Variants in AP3B2 observed in about 807,000 individuals in gnomAD.
The protein encoded by AP3B2 is AP-3 complex subunit beta-2.
AP3B2 carries 50 observed loss-of-function variants against 126.9 expected under a neutral mutation model. The ratio of observed to expected loss-of-function variants is 0.39; its 90% CI spans 0.31 to 0.50. The LOEUF (loss-of-function observed/expected upper bound fraction) is 0.50. Ranked by LOEUF, AP3B2 falls within the 20% of genes least tolerant of loss-of-function variation. The pLI is 0.79. For missense variants in AP3B2, 1,177 were observed against 1,426.4 expected (o/e 0.83, Z 2.82); for synonymous variants, 541 against 565.0 (o/e 0.96, Z 0.60).
intron 1 of AP3B2, chr15:82,699,762 T>C (rs9652567): frequency 1.1e-4 from 43 of 398,838 alleles, no homozygotes; most frequent in Non-Finnish European, 1.5e-4. Flanking sequence ...GGTACCGGAG[T>C]GGGGGCCCAC....
chr15:82,673,603 G>A (rs546827391), intron 14 of AP3B2, among the ~76,000 whole-genome samples: 2 of 152,100 alleles, frequency 1.3e-5, no homozygotes, highest in African/African-American at 4.8e-5. Flanking sequence ...AAGCAGAAAA[G>A]TTTAAAATAT....
rs774248055 is a variant in AP3B2, at chr15:82,662,866, G to A, written c.2661C>T (p.Gly887=). ...GRQELLHRVA[G]EGLAVDYTFS... ...AGGTGTAGTCCACAGCCAGCCCCTC[G>A]CCAGCTACCCGGTGCAGCAGCTCCT... Residue 887 remains glycine (G), a synonymous_variant, in exon 23 of 27, where the codon GGC becomes GGT. Transcript: ENST00000535359. 29 of 1,613,570 alleles carry A rather than the reference G, an allele frequency of 1.8e-5. No individual in the cohort carries two copies. The highest frequency in any genetic ancestry group is 8.0e-5 in the African/African-American group (6 of 75,034).
At position 82,680,820 on chromosome 15, in the gene AP3B2, GGGCTGGGC is replaced by G. The variant is rs765928445; in HGVS notation, c.771+9_771+16del. ...GGACACACTTCGGCCCGCTCTGCCT[GGGCTGGGC>G]CCACTTACGTTCTGGGTGGGGCTCA... On this transcript the variant is annotated intron_variant, in intron 7 of 26. Transcript: ENST00000535359. The surrounding 1 kb of genome is among the most constrained non-coding windows in gnomAD (Gnocchi z 6.1). The G allele has an allele frequency of 1.0e-3, 1,637 of 1,613,190 alleles. No individual in the cohort carries two copies. The highest frequency in any genetic ancestry group is 1.3e-3 in the Non-Finnish European group (1,580 of 1,179,574).
chr15:82,704,909 G>A (rs2048774263), intron 1 of AP3B2, among the ~76,000 whole-genome samples: 1 of 152,128 alleles, frequency 6.6e-6, no homozygotes, highest in African/African-American at 2.4e-5. Flanking sequence ...TGATGGCCAG[G>A]CTTCTAAACC....
chr15:82,709,535 G>T (rs1478007611), intron 1 of AP3B2, 59 bp downstream of exon 1: 10 of 1,282,004 alleles, frequency 7.8e-6, no homozygotes, highest in Non-Finnish European at 1.0e-5. Context: ...TGGTGCCCGC[G>T]CGCCTCGCCC....
intron 3 of AP3B2, 135 bp downstream of exon 3, chr15:82,689,017 AGACAGT>A: frequency 9.3e-7 from 1 of 1,074,370 alleles, no homozygotes; most frequent in Non-Finnish European, 1.4e-6. Flanking sequence ...AGGGACATGG[AGACAGT>A]GTCTTCTCCT....
Position 82,661,933 on chromosome 15 carries a change from T to C in AP3B2, c.2919-11A>G, listed in dbSNP as rs1318105689. 2.5e-6 allele frequency: 4 copies of C among 1,609,468 alleles called. No homozygotes were observed. The highest frequency in any genetic ancestry group is 1.3e-5 in the African/African-American group (1 of 74,652). ...TGTCGGGTCTGGGTGCTGGGAGGGG[T>C]GGGAGGAAACGGAGAAGAATTAAGG... On this transcript the variant is annotated splice_polypyrimidine_tract_variant and intron_variant, in intron 24 of 26. Transcript: ENST00000535359.
chr15:82,681,145 T>G lies in AP3B2; in HGVS notation c.555A>C (p.Glu185Asp). 6.2e-7 allele frequency: 1 copy of G among 1,613,120 alleles called. No individual in the cohort carries two copies. Among genetic ancestry groups the G allele is most frequent in the Non-Finnish European group, 8.5e-7 (1 of 1,179,522 alleles). The change falls in exon 6 of 27, where the codon GAA (glutamate) becomes GAC (aspartate). Residue 185 changes from glutamate (E) to aspartate (D), a missense_variant. Physicochemically the swap from Glu to Asp is conservative, Grantham distance 45 (BLOSUM62 2). Transcript: ENST00000535359. The surrounding 1 kb of genome is among the most constrained non-coding windows in gnomAD (Gnocchi z 4.0). ...TGTCAGCCAGAAGCTTCTCAATGAC[T>G]TCTATCAGCTGATCCTTCTGGTCAG... ...LDSDQKDQLIEVIEKLLADKT... is the reference protein window; with the variant it reads ...LDSDQKDQLIDVIEKLLADKT...
intron 1 of AP3B2, chr15:82,689,702 G>T: frequency 1.9e-6 from 1 of 518,596 alleles, no homozygotes; most frequent in South Asian, 2.4e-5. Context: ...TAGTACCTCA[G>T]AATGTAACCT....
chr15:82,708,313 T>A (rs1176549186), intron 1 of AP3B2, among the ~76,000 whole-genome samples: 2 of 152,076 alleles, frequency 1.3e-5, no homozygotes, highest in Admixed American at 6.6e-5. Context: ...TGACTCTTTT[T>A]TCGGACTCAG....
At chr15:82,705,729 A>G (rs1454098840) in intron 1 of AP3B2, among the ~76,000 whole-genome samples, 1 of 152,162 alleles carries the variant, frequency 6.6e-6, no homozygotes, top group Non-Finnish European at 1.5e-5. Context: ...CCTGCTGATC[A>G]TGTCCGGCTA....
At chr15:82,704,842 C>G (rs1282939343) in intron 1 of AP3B2, among the ~76,000 whole-genome samples, 3 of 152,250 alleles carry the variant, frequency 2.0e-5, no homozygotes. Flanking sequence ...CTACCAACTC[C>G]ACATTACCTT....
chr15:82,689,452 G>T lies in AP3B2; in HGVS notation c.115C>A (p.His39Asn). The part of the protein sequence containing the change: ...GGIFSSDYKR[H>N]DDLKEMLDTN... ...TCCAGCATCTCCTTCAGGTCATCAT[G>T]CCTGGTGGGAGGTACAAGAAGTCAG... The change falls in exon 2 of 27, where the codon CAT becomes AAT. Residue 39 changes from histidine to asparagine, a missense_variant and splice_region_variant. Coordinates refer to ENST00000535359, the MANE Select transcript of AP3B2 (RefSeq NM_001278512.2). The T allele has an allele frequency of 6.2e-7, 1 of 1,613,326 alleles. No individual in the cohort carries two copies. Among genetic ancestry groups the T allele is most frequent in the Non-Finnish European group, 8.5e-7 (1 of 1,179,674 alleles).
Position 82,680,653 on chromosome 15 carries a change from A to AG in AP3B2, c.873dup (p.Ser292LeufsTer62). 6.3e-7 allele frequency: 1 copy of AG among 1,584,702 alleles called. No homozygotes were observed. The highest frequency in any genetic ancestry group is 1.7e-5 in the Admixed American group (1 of 57,672). ...GGGTCCATGACATAGGGCTTTCGGGAGGGGGCGGCCGCGGCGGCCGTCTCC... is the reference window on the plus strand; with the variant it reads ...GGGTCCATGACATAGGGCTTTCGGGAGGGGGGCGGCCGCGGCGGCCGTCTCC... On this transcript the variant is annotated frameshift_variant, in exon 8 of 27. Coordinates refer to ENST00000535359, the MANE Select transcript of AP3B2 (RefSeq NM_001278512.2). LOFTEE classifies it high-confidence loss of function. The surrounding 1 kb of genome is among the most constrained non-coding windows in gnomAD (Gnocchi z 6.1).
At chr15:82,694,457 A>G (rs1035557885) in intron 1 of AP3B2, among the ~76,000 whole-genome samples, 9 of 152,032 alleles carry the variant, frequency 5.9e-5, no homozygotes, top group African/African-American at 2.2e-4. Context: ...AGACTGAGGC[A>G]GAAGGATTGC....
Position 82,664,342 on chromosome 15 carries a change from G to A in AP3B2, c.2261+25C>T, listed in dbSNP as rs1240677846. ...CAGGAAAGCCCCCTGAACCCCACCA[G>A]CCATCTGGCTAGCTCCCTTCTCACC... On this transcript the variant is annotated intron_variant, in intron 19 of 26. Transcript: ENST00000535359. This position sits in a 1 kb window ranked among gnomAD's most constrained non-coding sequence, Gnocchi z 4.5. 13 of 1,613,324 alleles carry A rather than the reference G, an allele frequency of 8.1e-6. No individual in the cohort carries two copies. Among genetic ancestry groups the A allele is most frequent in the African/African-American group, 1.3e-5 (1 of 74,890 alleles).
intron 4 of AP3B2, 32 bp downstream of exon 4, chr15:82,688,704 C>T (rs1184600171): frequency 1.3e-6 from 2 of 1,578,396 alleles, no homozygotes; most frequent in Non-Finnish European, 1.7e-6. Flanking sequence ...CAACGAGGCC[C>T]AGGCCCTGGG....
intron 1 of AP3B2, among the ~76,000 whole-genome samples, chr15:82,696,800 C>CTGG (rs949648217): frequency 6.6e-6 from 1 of 152,132 alleles, no homozygotes; most frequent in Admixed American, 6.5e-5. Context: ...GGATGCAGAA[C>CTGG]TGGTGATCAC....
chr15:82,704,178 G>A (rs995674398), intron 1 of AP3B2, among the ~76,000 whole-genome samples: 15 of 152,034 alleles, frequency 9.9e-5, no homozygotes, highest in South Asian at 2.1e-4. Flanking sequence ...TTCATGGCTC[G>A]TTGGGCAGCA....
Sources: allele counts gnomAD v4.1 joint callset (sites outside exome capture counted in the v4.1 genomes callset), GRCh38; gene constraint gnomAD v4.1.1; non-coding constraint Gnocchi (gnomAD v3.1); transcripts MANE v1.5; gene names NCBI Gene and HGNC (gene_info 2026-07-23, HGNC 2026-07-21).